The following PLCE1 variants were observed in gnomAD, a reference collection of about 807,000 sequenced individuals.
PLCE1 encodes 1-phosphatidylinositol 4,5-bisphosphate phosphodiesterase epsilon-1.
PLCE1 carries 119 observed loss-of-function variants against 242.8 expected under a neutral mutation model. That is an observed-to-expected ratio of 0.49 (90% confidence interval 0.42 to 0.57). The LOEUF is 0.57. PLCE1 is among the 20% of genes least tolerant of loss of function. PLCE1 has a pLI of 0.00. For synonymous variants in PLCE1, 945 were observed against 1,017.4 expected (o/e 0.93, Z 1.35); for missense variants, 2,441 against 2,788.8 (o/e 0.88, Z 2.81).
intron 4 of PLCE1, among the ~76,000 whole-genome samples, chr10:94,199,534 C>T (rs909010881): frequency 6.6e-6 from 1 of 152,238 alleles, no homozygotes; most frequent in Non-Finnish European, 1.5e-5. Flanking sequence ...AGAGATCATG[C>T]TCACTTCAAT....
Position 94,179,530 on chromosome 10 carries a change from T to TTTTTTTTTTTGA in PLCE1, c.1809+8034_1809+8035insTTTTTTTTTTGA, listed in dbSNP as rs10636243. 7.8e-3 allele frequency among the ~76,000 whole-genome samples: 926 copies of TTTTTTTTTTTGA among 118,794 alleles called. 64 individuals are homozygous for TTTTTTTTTTTGA. In the East Asian group the frequency reaches 0.1, roughly 13 times the overall value. 77.9% of individuals were successfully genotyped at this position (118,794 alleles called of 152,430 possible). ...TAGTTTAGTTTTTTTTTTTTTTTTT[T>TTTTTTTTTTTGA]GACAGGGTCTCTGTTGCCCAGGCTG... On this transcript the variant is annotated intron_variant, in intron 4 of 32. Transcript: ENST00000371380.
At chr10:94,213,225 C>T (rs1421649196) in intron 4 of PLCE1, among the ~76,000 whole-genome samples, 1 of 152,182 alleles carries the variant, frequency 6.6e-6, no homozygotes, top group East Asian at 1.9e-4. Context: ...GAATTTTTGC[C>T]TTTCATGTAC....
At position 94,265,874 on chromosome 10, in the gene PLCE1, A is replaced by G. The variant is rs2051496285; in HGVS notation, c.4197A>G (p.Ser1399=). ...TTAAAGAACTGCAGCTACCCCTCTCATACTATTACATCGAATCTTCGCACA... is the reference window on the plus strand; with the variant it reads ...TTAAAGAACTGCAGCTACCCCTCTCGTACTATTACATCGAATCTTCGCACA... ...ENIKELQLPL[S]YYYIESSHNT... is the part of the protein sequence containing the mutation. The change falls in exon 16 of 33, where the codon TCA becomes TCG. Residue 1399 remains serine (S), a synonymous_variant. Transcript: ENST00000371380. The G allele has an allele frequency of 3.7e-6, 6 of 1,613,626 alleles. No homozygotes were observed. The South Asian group carries it at 5.5e-5, about 15-fold the overall frequency.
In PLCE1 at chr10:94,313,239, T is replaced by G. The variant is rs754036486; in HGVS notation, c.6004-15T>G. 4 of 1,613,818 alleles carry G rather than the reference T, an allele frequency of 2.5e-6. No homozygotes were observed. The highest frequency in any genetic ancestry group is 3.3e-5 in the Admixed American group (2 of 60,026). ...GATTACGGATGAATGATCAGCCATGTGATCTTCTTGACAGATGTTTAATAC... is the reference window on the plus strand; with the variant it reads ...GATTACGGATGAATGATCAGCCATGGGATCTTCTTGACAGATGTTTAATAC... On this transcript the variant is annotated splice_polypyrimidine_tract_variant and intron_variant, in intron 27 of 32. Coordinates refer to ENST00000371380, the MANE Select transcript of PLCE1 (RefSeq NM_016341.4).
Position 94,329,849 on chromosome 10 carries a change from G to A in PLCE1, c.*1906G>A, listed in dbSNP as rs2054139004. 1 of 144,952 alleles carries A rather than the reference G, an allele frequency of 6.9e-6. No homozygotes were observed. The highest frequency in any genetic ancestry group is 1.5e-5 in the Non-Finnish European group (1 of 66,846). The allele number at this position is 144,952 out of a possible 1,614,324, so 9.0% of individuals were successfully genotyped here. On this transcript the variant is annotated 3_prime_UTR_variant, in exon 33 of 33. Transcript: ENST00000371380. ...TTCATGTCATTGAAAGTTCTTACTG[G>A]GTCAAAGCCTTAAGGCTAGAACTAC...
chr10:94,310,329 A>G (rs2053347256), intron 27 of PLCE1, among the ~76,000 whole-genome samples: 1 of 152,046 alleles, frequency 6.6e-6, no homozygotes, highest in Admixed American at 6.6e-5. Context: ...TTGTTTGCTT[A>G]GGTGTTCCTC....
At position 94,246,247 on chromosome 10, in the gene PLCE1, C is replaced by T. The variant is rs2050675191; in HGVS notation, c.2722C>T (p.Leu908Phe). The change falls in exon 8 of 33, where the codon CTT becomes TTT. Residue 908 changes from leucine (L) to phenylalanine (F), a missense_variant. Around this residue, in one of 5 missense-constraint regions of PLCE1, gnomAD observed 733 missense variants for 754.2 expected, o/e 0.97. Transcript: ENST00000371380. ...TASPASSKAKLGVLNNTAEPG... is the reference protein window; with the variant it reads ...TASPASSKAKFGVLNNTAEPG... ...CTCCCCAGCCAGCAGTAAAGCAAAA[C>T]TTGGTGTACTTAATAACACAGCTGA... The T allele has an allele frequency of 6.2e-7, 1 of 1,614,178 alleles. No homozygotes were observed. Among genetic ancestry groups the T allele is most frequent in the East Asian group, 2.2e-5 (1 of 44,872 alleles).
intron 3 of PLCE1, among the ~76,000 whole-genome samples, chr10:94,168,205 G>A (rs2047868737): frequency 1.3e-5 from 2 of 152,158 alleles, no homozygotes; most frequent in African/African-American, 4.8e-5. Context: ...AGGCCCAGAG[G>A]TGAGTTACAG....
intron 5 of PLCE1, among the ~76,000 whole-genome samples, chr10:94,231,013 C>T (rs573108346): frequency 6.6e-6 from 1 of 152,190 alleles, no homozygotes; most frequent in East Asian, 1.9e-4. Flanking sequence ...TTTATATGCC[C>T]ATATAGACAA....
intron 1 of PLCE1, among the ~76,000 whole-genome samples, chr10:94,017,732 G>A (rs2061307086): frequency 6.6e-6 from 1 of 152,160 alleles, no homozygotes; most frequent in African/African-American, 2.4e-5. Context: ...ATCTGCTACG[G>A]CTTTGTGGGG....
chr10:94,305,256 C>G (rs1466868799), intron 25 of PLCE1, among the ~76,000 whole-genome samples: 1 of 152,100 alleles, frequency 6.6e-6, no homozygotes, highest in Non-Finnish European at 1.5e-5. Flanking sequence ...ATGGCAAAAC[C>G]CTGTTTCTAC....
At chr10:94,187,836 C>T (rs1009974459) in intron 4 of PLCE1, among the ~76,000 whole-genome samples, 3 of 152,186 alleles carry the variant, frequency 2.0e-5, no homozygotes, top group Non-Finnish European at 2.9e-5. Context: ...GAAAGTTAGA[C>T]AGACACTAAA....
chr10:94,239,967 A>G (rs565044537), intron 7 of PLCE1, among the ~76,000 whole-genome samples: 4 of 152,234 alleles, frequency 2.6e-5, no homozygotes, highest in Admixed American at 2.6e-4. Flanking sequence ...CCCAGCCCAG[A>G]CCTTCATACA....
intron 19 of PLCE1, among the ~76,000 whole-genome samples, chr10:94,277,996 C>T (rs1372941523): frequency 1.3e-5 from 2 of 152,126 alleles, no homozygotes; most frequent in East Asian, 1.9e-4. Flanking sequence ...TAACACCCAC[C>T]GAGCTCCATA....
chr10:94,317,773 C>G (rs970651156), intron 29 of PLCE1, among the ~76,000 whole-genome samples: 1 of 152,100 alleles, frequency 6.6e-6, no homozygotes, highest in Admixed American at 6.6e-5. Context: ...ACCCTACTAA[C>G]TTAAGAATGA....
rs746760485 is a variant in PLCE1, at chr10:94,268,903, G to C, written c.4282-26G>C. 5 of 1,346,852 alleles carry C rather than the reference G, an allele frequency of 3.7e-6. No individual in the cohort carries two copies. The Admixed American group carries it at 8.4e-5, about 23-fold the overall frequency. The allele number at this position is 1,346,852 out of a possible 1,614,324, so 83.4% of individuals were successfully genotyped here. A position where few individuals can be genotyped will look rare whatever the true frequency, so the allele number is the denominator to read the frequency against. ...GCTTTATCTCCAGGTGCTCACCTGG[G>C]GTGGATTCGCTCATTGATCACACAG... is the stretch of plus-strand genomic sequence containing the variant. On this transcript the variant is annotated intron_variant, in intron 16 of 32. Transcript: ENST00000371380.
At chr10:94,070,508 AGTTT>A (rs1209191266) in intron 2 of PLCE1, among the ~76,000 whole-genome samples, 2 of 152,124 alleles carry the variant, frequency 1.3e-5, no homozygotes, top group East Asian at 1.9e-4. Context: ...AGCACAGGCT[AGTTT>A]GTTCTTCCTA....
chr10:94,131,560 T>C (rs2046599141), intron 2 of PLCE1, among the ~76,000 whole-genome samples: 1 of 152,080 alleles, frequency 6.6e-6, no homozygotes, highest in African/African-American at 2.4e-5. Flanking sequence ...GACAGTGACA[T>C]AGATGGGGCA....
intron 4 of PLCE1, among the ~76,000 whole-genome samples, chr10:94,190,927 TA>T: frequency 6.6e-6 from 1 of 152,184 alleles, no homozygotes; most frequent in East Asian, 1.9e-4. Flanking sequence ...TTCTAAGACA[TA>T]AAGTGGGAGA....
Sources: allele counts gnomAD v4.1 joint callset (sites outside exome capture counted in the v4.1 genomes callset), GRCh38; gene constraint gnomAD v4.1.1; regional missense constraint gnomAD v4.1.1; transcripts MANE v1.5; gene names NCBI Gene and HGNC (gene_info 2026-07-23, HGNC 2026-07-21).